Variants in CHST9 observed in about 807,000 individuals in gnomAD.
CHST9 encodes carbohydrate sulfotransferase 9.
In CHST9, 41 loss-of-function variants were observed where a neutral mutation model predicts 44.4. The ratio of observed to expected loss-of-function variants is 0.92; its 90% CI spans 0.72 to 1.20. CHST9 has a LOEUF of 1.20. Ranked by LOEUF, CHST9 falls within the 50% of genes most tolerant of loss-of-function variation. The pLI, the probability that CHST9 is intolerant of heterozygous loss-of-function variation, is 0.00. For synonymous variants in CHST9, 171 were observed against 178.4 expected (o/e 0.96, Z 0.33); for missense variants, 504 against 516.5 (o/e 0.98, Z 0.23).
chr18:27,060,324 G>A (rs939674720), intron 2 of CHST9, among the ~76,000 whole-genome samples: 1 of 152,166 alleles, frequency 6.6e-6, no homozygotes, highest in Non-Finnish European at 1.5e-5. Flanking sequence ...GACACTCCAG[G>A]AGTGAAGAGA....
chr18:27,154,458 T>C (rs564503613), intron 1 of CHST9, among the ~76,000 whole-genome samples: 81 of 152,008 alleles, frequency 5.3e-4, no homozygotes, highest in Non-Finnish European at 1.1e-3. Context: ...GAAGAATGAA[T>C]AGATTTGTGC....
At chr18:26,918,076 G>T (rs2055571629) in intron 5 of CHST9, among the ~76,000 whole-genome samples, 1 of 152,126 alleles carries the variant, frequency 6.6e-6, no homozygotes, top group Non-Finnish European at 1.5e-5. Context: ...CAAAAATGTA[G>T]TTATCTTTTC....
intron 2 of CHST9, among the ~76,000 whole-genome samples, chr18:27,067,435 G>GA (rs11413931): frequency 0.78 from 118,981 of 151,698 alleles, 46,820 homozygotes; most frequent in African/African-American, 0.83. Context: ...AAAATAAAAA[G>GA]AAGAAAAAGA....
At chr18:27,004,594 T>C (rs2056992429) in intron 4 of CHST9, among the ~76,000 whole-genome samples, 1 of 152,148 alleles carries the variant, frequency 6.6e-6, no homozygotes, top group Non-Finnish European at 1.5e-5. Context: ...TTTCAGAAAG[T>C]ACTTTTGGCA....
intron 4 of CHST9, among the ~76,000 whole-genome samples, chr18:27,017,948 C>T (rs2057174767): frequency 6.6e-6 from 1 of 152,108 alleles, no homozygotes; most frequent in African/African-American, 2.4e-5. Flanking sequence ...ATGATGACAA[C>T]ATTAATGCAT....
At chr18:27,141,825 A>G (rs1390870486) in intron 2 of CHST9, among the ~76,000 whole-genome samples, 1 of 151,936 alleles carries the variant, frequency 6.6e-6, no homozygotes, top group South Asian at 2.1e-4. Flanking sequence ...ATTATCCTTA[A>G]CAGTCATAAG....
intron 4 of CHST9, among the ~76,000 whole-genome samples, chr18:26,962,791 C>A (rs888607416): frequency 1.3e-5 from 2 of 151,990 alleles, no homozygotes; most frequent in Non-Finnish European, 2.9e-5. Flanking sequence ...GATCCAAGGC[C>A]GCTTCAGGCA....
At chr18:27,115,625 CT>C (rs561643264) in intron 2 of CHST9, among the ~76,000 whole-genome samples, 20 of 152,310 alleles carry the variant, frequency 1.3e-4, no homozygotes, top group South Asian at 6.2e-4. Flanking sequence ...AGCAATCCTC[CT>C]GCCTCAGCCT....
At chr18:27,066,083 T>G (rs2143631860) in intron 2 of CHST9, among the ~76,000 whole-genome samples, 1 of 152,320 alleles carries the variant, frequency 6.6e-6, no homozygotes, top group South Asian at 2.1e-4. Context: ...AACAGTCCAT[T>G]TATTTGGATC....
chr18:27,026,250 C>G (rs1465405109), intron 3 of CHST9, among the ~76,000 whole-genome samples: 1 of 152,110 alleles, frequency 6.6e-6, no homozygotes, highest in Non-Finnish European at 1.5e-5. Context: ...TCTAGTTTGT[C>G]CCTCCACACA....
chr18:27,120,911 T>C (rs2058368915), intron 2 of CHST9, among the ~76,000 whole-genome samples: 1 of 152,150 alleles, frequency 6.6e-6, no homozygotes, highest in African/African-American at 2.4e-5. Flanking sequence ...CTGAGGTCAT[T>C]TTGTGAGCTC....
chr18:27,120,119 T>C (rs75955060), intron 2 of CHST9, among the ~76,000 whole-genome samples: 2,224 of 152,334 alleles, frequency 0.015, 55 homozygotes, highest in African/African-American at 0.05. Flanking sequence ...TTTTACATTT[T>C]ACACTAGTAC....
chr18:27,132,814 T>C (rs1233925479), intron 2 of CHST9, among the ~76,000 whole-genome samples: 1 of 152,120 alleles, frequency 6.6e-6, no homozygotes, highest in Non-Finnish European at 1.5e-5. Context: ...TGGGAGTAAA[T>C]GGATCAAGGG....
rs79677001 is a variant in CHST9 at position 27,008,866 on chromosome 18, G to T, written c.202+15250C>A. Among the ~76,000 whole-genome samples the T allele has an allele frequency of 8.6e-4, 130 of 151,736 alleles. No homozygotes were observed. The East Asian group carries it at 0.023, about 26-fold the overall frequency. The stretch of plus-strand genomic sequence containing the variant: ...ATCTTCAGTGGCCCTTCAATCTTGA[G>T]ACAGGATTGCAGCAGGTTCTTGTTT... On this transcript the variant is annotated intron_variant, in intron 4 of 5. Transcript: ENST00000618847.
rs927470761 is a variant in CHST9, at chr18:27,163,891, G to A, written c.-96-20986C>T. Among the ~76,000 whole-genome samples, 8 of 152,120 alleles carry A rather than the reference G, an allele frequency of 5.3e-5. No homozygotes were observed. In the East Asian group the frequency reaches 5.8e-4, roughly 11 times the overall value. ...TCAGTTGGAAATGCAGAAATCACCC[G>A]TCTTCTGTGTTGCTCATGCTGGGAG... On this transcript the variant is annotated intron_variant, in intron 1 of 5. Transcript: ENST00000618847.
At chr18:27,089,849 C>T (rs59237033) in intron 2 of CHST9, among the ~76,000 whole-genome samples, 6,435 of 144,408 alleles carry the variant, frequency 0.045, 200 homozygotes, top group East Asian at 0.14. Context: ...CTTGCTCTGC[C>T]GCTCAGGCTG....
intron 2 of CHST9, among the ~76,000 whole-genome samples, chr18:27,053,918 G>A (rs1466791449): frequency 6.6e-6 from 1 of 152,088 alleles, no homozygotes; most frequent in Non-Finnish European, 1.5e-5. Flanking sequence ...AACTCTCCAT[G>A]CCCTGCAGAG....
intron 2 of CHST9, among the ~76,000 whole-genome samples, chr18:27,054,894 TAC>T (rs761036369): frequency 1.3e-5 from 2 of 152,120 alleles, no homozygotes; most frequent in East Asian, 1.9e-4. Flanking sequence ...TATATATATG[TAC>T]ACACACACAT....
chr18:27,048,317 A>T, intron 3 of CHST9, 148 bp downstream of exon 3: 1 of 603,920 alleles, frequency 1.7e-6, no homozygotes, highest in South Asian at 2.4e-5. Flanking sequence ...TAAATGTATG[A>T]ATTTATTTTA....
Sources: gnomAD v4.1 joint callset for allele counts (sites outside exome capture counted in the v4.1 genomes callset) on GRCh38, gnomAD v4.1.1 for gene constraint, MANE v1.5 for transcripts, NCBI Gene and HGNC (gene_info 2026-07-23, HGNC 2026-07-21) for gene names.